The following AMY2B variants were observed in gnomAD, a reference collection of about 807,000 sequenced individuals.
AMY2B encodes alpha-amylase 2B.
Under a neutral mutation model 59.3 loss-of-function variants are expected in AMY2B, and 63 were observed. The ratio of observed to expected loss-of-function variants is 1.06; its 90% CI spans 0.87 to 1.31. The LOEUF is 1.31. Ranked by LOEUF, AMY2B falls within the 50% of genes most tolerant of loss-of-function variation. The pLI, the probability that AMY2B is intolerant of heterozygous loss-of-function variation, is 0.00. For missense variants in AMY2B, 635 were observed against 626.7 expected, an observed-to-expected ratio of 1.01 and a Z score of -0.14; for synonymous variants, 180 against 198.1, an observed-to-expected ratio of 0.91 and a Z score of 0.77.
chr1:103,575,129 G>A (rs1419095684), intron 5 of AMY2B, 94 bp from the exon 6 acceptor site: 121 of 1,564,256 alleles, frequency 7.7e-5, no homozygotes, highest in Non-Finnish European at 1.0e-4. Context: ...TTAATCTTCA[G>A]ATGCCATGCC....
chr1:103,556,082 A>G (rs1651538496), intron 1 of AMY2B, among the ~76,000 whole-genome samples: 2 of 152,192 alleles, frequency 1.3e-5, no homozygotes, highest in Admixed American at 1.3e-4. Context: ...TCAGAGAAAT[A>G]GGAAACAAGG....
intron 1 of AMY2B, among the ~76,000 whole-genome samples, chr1:103,564,288 C>G (rs777098976): frequency 6.6e-6 from 1 of 152,040 alleles, no homozygotes; most frequent in East Asian, 1.9e-4. Flanking sequence ...CTAATAATTG[C>G]GTTTTCACAT....
intron 3 of AMY2B, 67 bp from the exon 4 acceptor site, chr1:103,573,641 A>C: frequency 6.3e-7 from 1 of 1,597,968 alleles, no homozygotes; most frequent in South Asian, 1.1e-5. Context: ...ATAAATGAAT[A>C]ATCAAATGGA....
chr1:103,555,483 C>T (rs962673620), intron 1 of AMY2B, among the ~76,000 whole-genome samples: 16 of 151,740 alleles, frequency 1.1e-4, no homozygotes, highest in Non-Finnish European at 2.4e-4. Flanking sequence ...GGGGGTTTAT[C>T]CCAATTTAGA....
chr1:103,566,470 TCA>T (rs755239418), intron 2 of AMY2B, among the ~76,000 whole-genome samples: 13 of 152,200 alleles, frequency 8.5e-5, no homozygotes, highest in African/African-American at 1.4e-4. Context: ...GCCTAATGTA[TCA>T]CAGTATGTTA....
chr1:103,555,120 G>A (rs1651507610), intron 1 of AMY2B: 1 of 152,050 alleles, frequency 6.6e-6, no homozygotes, highest in Middle Eastern at 3.4e-3. Flanking sequence ...GTGCGTAACA[G>A]CTTTGAAAGT....
At chr1:103,565,693 T>A (rs1270158997) in intron 2 of AMY2B, 1 of 152,194 alleles carries the variant, frequency 6.6e-6, no homozygotes, top group Non-Finnish European at 1.5e-5. Context: ...TTTGCTGATA[T>A]CCCATCGGAT....
In AMY2B at chr1:103,571,780, A is replaced by G; in HGVS notation, c.168+10A>G. Reference sequence around the variant, plus strand: ...ATTTGGAGGGGTTCAGGTGGGTATGATTCATAGTATCAATTGCAGAATTCA... The same window carrying G: ...ATTTGGAGGGGTTCAGGTGGGTATGGTTCATAGTATCAATTGCAGAATTCA... On this transcript the variant is annotated intron_variant, in intron 1 of 9. Coordinates refer to ENST00000684275, the MANE Select transcript of AMY2B (RefSeq NM_001387437.1). The G allele has an allele frequency of 6.2e-7, 1 of 1,611,952 alleles. No individual in the cohort carries two copies. Among genetic ancestry groups the G allele is most frequent in the South Asian group, 1.1e-5 (1 of 90,990 alleles).
chr1:103,577,195 G>A (rs1327173180), intron 7 of AMY2B, among the ~76,000 whole-genome samples: 1 of 152,162 alleles, frequency 6.6e-6, no homozygotes, highest in African/African-American at 2.4e-5. Context: ...CTATGATTAT[G>A]CCACTGTACT....
chr1:103,564,823 A>G (rs1200270748), intron 1 of AMY2B, among the ~76,000 whole-genome samples: 1 of 151,946 alleles, frequency 6.6e-6, no homozygotes, highest in Non-Finnish European at 1.5e-5. Context: ...TTATATACCC[A>G]TTTGTTTTAA....
chr1:103,575,645 A>G (rs1570649521), intron 7 of AMY2B, 105 bp downstream of exon 7: 1 of 1,506,796 alleles, frequency 6.6e-7, no homozygotes, highest in African/African-American at 1.4e-5. Context: ...CAAATAATTG[A>G]TTAGAAACCT....
At position 103,571,746 on chromosome 1, in the gene AMY2B, T is replaced by A; in HGVS notation, c.144T>A (p.Ala48=). ...CTCTTGAATGTGAGCGATATTTAGC[T>A]CCCAAGGGATTTGGAGGGGTTCAGG... is the stretch of plus-strand genomic sequence containing the variant. ...DIALECERYL[A]PKGFGGVQVS... is the part of the protein sequence containing the mutation. The change falls in exon 1 of 10, where the codon GCT becomes GCA. Residue 48 remains alanine, a synonymous_variant. Coordinates refer to ENST00000684275, the MANE Select transcript of AMY2B (RefSeq NM_001387437.1). 1 of 1,611,970 alleles carries A rather than the reference T, an allele frequency of 6.2e-7. No individual in the cohort carries two copies. Among genetic ancestry groups the A allele is most frequent in the Non-Finnish European group, 8.5e-7 (1 of 1,179,830 alleles).
At chr1:103,572,697 A>G (rs547656907) in intron 2 of AMY2B, among the ~76,000 whole-genome samples, 1 of 152,274 alleles carries the variant, frequency 6.6e-6, no homozygotes, top group Non-Finnish European at 1.5e-5. Flanking sequence ...TTTGTCTTCA[A>G]AAGCTTAGTA....
At position 103,579,488 on chromosome 1, in the gene AMY2B, A is replaced by C. The variant is rs775109674; in HGVS notation, c.1524A>C (p.Glu508Asp). 4.3e-6 allele frequency: 7 copies of C among 1,609,380 alleles called. No homozygotes were observed. In the Admixed American group the frequency reaches 1.2e-4, roughly 27 times the overall value. The stretch of plus-strand genomic sequence containing the variant: ...ATCCATTTATTGCAATTCATGCTGA[A>C]TCTAAATTATAAAATTTAAAATTAA... ...AEDPFIAIHA[E>D]SKL Residue 508 changes from glutamate to aspartate, a missense_variant, in exon 10 of 10, where the codon GAA (glutamate) becomes GAC (aspartate). Transcript: ENST00000684275.
chr1:103,575,852 C>A (rs1180050594), intron 7 of AMY2B: 9 of 254,958 alleles, frequency 3.5e-5, no homozygotes, highest in Non-Finnish European at 6.7e-5. Flanking sequence ...GTACCTACCT[C>A]AGGGTTAATA....
intron 3 of AMY2B, 21 bp downstream of exon 3, chr1:103,573,281 C>T (rs749545309): frequency 3.1e-6 from 5 of 1,613,340 alleles, no homozygotes; most frequent in Non-Finnish European, 3.4e-6. Context: ...TTATGAGAGT[C>T]ATCTGAATAA....
chr1:103,577,060 C>A (rs1243907792), intron 7 of AMY2B, among the ~76,000 whole-genome samples: 17 of 152,168 alleles, frequency 1.1e-4, no homozygotes, highest in Admixed American at 2.6e-4. Flanking sequence ...GCTAGCAAGA[C>A]CTCGTCTTTA....
In AMY2B at chr1:103,579,300, T is replaced by C; in HGVS notation, c.1347-11T>C. 6.2e-7 allele frequency: 1 copy of C among 1,611,702 alleles called. No homozygotes were observed. Among genetic ancestry groups the C allele is most frequent in the South Asian group, 1.1e-5 (1 of 90,988 alleles). On this transcript the variant is annotated splice_polypyrimidine_tract_variant and intron_variant, in intron 9 of 9. Transcript: ENST00000684275. Reference sequence around the variant, plus strand: ...GTGTATTGAAGTTAAATCTGAAATTTTATTTTACAGGACATTTTCTTTAAC... The same window carrying C: ...GTGTATTGAAGTTAAATCTGAAATTCTATTTTACAGGACATTTTCTTTAAC...
At chr1:103,569,729 G>A, upstream of AMY2B, 2 of 406,526 alleles carry the variant, frequency 4.9e-6, no homozygotes, top group South Asian at 2.1e-5. Context: ...ATGGCTGAGA[G>A]CAAGCACAGT....
Sources: gnomAD v4.1 joint callset for allele counts (sites outside exome capture counted in the v4.1 genomes callset) on GRCh38, gnomAD v4.1.1 for gene constraint, MANE v1.5 for transcripts, NCBI Gene and HGNC (gene_info 2026-07-23, HGNC 2026-07-21) for gene names.